Variants in DPP10 observed in about 807,000 individuals in gnomAD.
DPP10 encodes dipeptidyl peptidase like 10, also known as inactive dipeptidyl peptidase 10.
In DPP10, 33 loss-of-function variants were observed where a neutral mutation model predicts 120.9. That is an observed-to-expected ratio of 0.27 (90% CI 0.21 to 0.37). The LOEUF (loss-of-function observed/expected upper bound fraction) is 0.37, where lower values mean the gene tolerates loss of function less well. DPP10 is among the 10% of genes least tolerant of loss of function. DPP10 has a pLI of 1.00. For synonymous variants in DPP10, 337 were observed against 326.1 expected (o/e 1.03, Z -0.36); for missense variants, 816 against 942.8 (o/e 0.87, Z 1.76).
chr2:115,600,244 TTTTTGA>T (rs1167717733), intron 5 of DPP10, among the ~76,000 whole-genome samples: 4 of 152,124 alleles, frequency 2.6e-5, no homozygotes, highest in Non-Finnish European at 2.9e-5. Flanking sequence ...GCTAGTTGTG[TTTTTGA>T]TTTTATCCAG....
intron 1 of DPP10, among the ~76,000 whole-genome samples, chr2:114,824,649 A>G (rs1290715515): frequency 6.6e-6 from 1 of 152,128 alleles, no homozygotes; most frequent in Admixed American, 6.5e-5. Context: ...TTAGAAATAA[A>G]TGTACTTAGA....
At chr2:114,699,959 T>C (rs567072146) in intron 1 of DPP10, among the ~76,000 whole-genome samples, 3 of 152,264 alleles carry the variant, frequency 2.0e-5, no homozygotes, top group Non-Finnish European at 2.9e-5. Flanking sequence ...ATAGGAACTT[T>C]ACTGGCTACC....
At chr2:115,444,459 TATA>T (rs1185856377) in intron 3 of DPP10, among the ~76,000 whole-genome samples, 1 of 152,230 alleles carries the variant, frequency 6.6e-6, no homozygotes, top group Non-Finnish European at 1.5e-5. Flanking sequence ...TGAATTATGT[TATA>T]ATAAGTCTCT....
chr2:115,056,866 C>A (rs1406133315), intron 1 of DPP10, among the ~76,000 whole-genome samples: 1 of 152,188 alleles, frequency 6.6e-6, no homozygotes, highest in African/African-American at 2.4e-5. Context: ...TGCTCTTTTA[C>A]CTGCAACAAA....
intron 17 of DPP10, among the ~76,000 whole-genome samples, chr2:115,782,674 C>T (rs975533059): frequency 3.3e-5 from 5 of 151,994 alleles, no homozygotes; most frequent in Non-Finnish European, 7.4e-5. Flanking sequence ...GAAACAGGTA[C>T]ATTTTAGCTT....
At chr2:115,569,793 G>A (rs987731670) in intron 5 of DPP10, among the ~76,000 whole-genome samples, 1 of 152,150 alleles carries the variant, frequency 6.6e-6, no homozygotes, top group African/African-American at 2.4e-5. Flanking sequence ...TAAACCAGGA[G>A]CTTAGCTGAC....
intron 2 of DPP10, among the ~76,000 whole-genome samples, chr2:115,340,761 A>G (rs2063403839): frequency 6.6e-6 from 1 of 151,584 alleles, no homozygotes; most frequent in Non-Finnish European, 1.5e-5. Flanking sequence ...AAATTTATAT[A>G]TATAATACAG....
intron 1 of DPP10, among the ~76,000 whole-genome samples, chr2:115,219,755 C>T (rs185041574): frequency 7.2e-5 from 11 of 152,240 alleles, no homozygotes; most frequent in African/African-American, 2.4e-4. Context: ...AAAAGACTAG[C>T]CAACATCTCA....
chr2:115,540,757 T>C lies in DPP10; in HGVS notation c.441+14785T>C, dbSNP rs143596726. The stretch of plus-strand genomic sequence containing the variant: ...CATAATATTTCAAATACAAAAACAT[T>C]AGCAATTTTCAATCCAAGGATATCA... On this transcript the variant is annotated intron_variant, in intron 5 of 25. Coordinates refer to ENST00000410059, the MANE Select transcript of DPP10 (RefSeq NM_020868.6). 8.3e-3 allele frequency among the ~76,000 whole-genome samples: 1,262 copies of C among 151,980 alleles called. 16 individuals carry two copies. The highest frequency in any genetic ancestry group is 0.029 in the African/African-American group (1,217 of 41,538).
intron 1 of DPP10, among the ~76,000 whole-genome samples, chr2:114,966,402 T>C (rs754085051): frequency 6.6e-6 from 1 of 151,902 alleles, no homozygotes; most frequent in African/African-American, 2.4e-5. Context: ...TTCCTGAGAG[T>C]AGCTTGTTTC....
At chr2:115,222,012 A>C (rs2057196254) in intron 1 of DPP10, among the ~76,000 whole-genome samples, 1 of 152,022 alleles carries the variant, frequency 6.6e-6, no homozygotes, top group Non-Finnish European at 1.5e-5. Flanking sequence ...TTTTCACCAG[A>C]GGAATCTGAT....
At chr2:115,448,157 A>G (rs140328347) in intron 3 of DPP10, among the ~76,000 whole-genome samples, 1 of 152,292 alleles carries the variant, frequency 6.6e-6, no homozygotes, top group African/African-American at 2.4e-5. Flanking sequence ...TTTGGAAAAT[A>G]CACAGAATGA....
intron 1 of DPP10, among the ~76,000 whole-genome samples, chr2:115,235,233 G>A (rs2057936765): frequency 6.6e-6 from 1 of 152,072 alleles, no homozygotes; most frequent in Non-Finnish European, 1.5e-5. Flanking sequence ...AGTTTACTGG[G>A]ACACAAAAAT....
chr2:115,317,634 T>C, intron 2 of DPP10, among the ~76,000 whole-genome samples: 1 of 140,986 alleles, frequency 7.1e-6, no homozygotes, highest in African/African-American at 2.9e-5. Flanking sequence ...GTTCTTTTCT[T>C]TTTTTTTTTT....
chr2:114,840,419 G>A (rs1009444708), intron 1 of DPP10, among the ~76,000 whole-genome samples: 25 of 151,918 alleles, frequency 1.6e-4, no homozygotes, highest in Non-Finnish European at 3.7e-4. Context: ...ACAGAACTGG[G>A]AATAAACTCC....
intron 2 of DPP10, among the ~76,000 whole-genome samples, chr2:115,330,976 A>G (rs112446544): frequency 6.6e-6 from 1 of 151,928 alleles, no homozygotes; most frequent in African/African-American, 2.4e-5. Flanking sequence ...GTCATTGGTA[A>G]CTTGATGGGG....
At chr2:115,488,729 G>A (rs1375244093) in intron 3 of DPP10, among the ~76,000 whole-genome samples, 1 of 124,314 alleles carries the variant, frequency 8.0e-6, no homozygotes, top group Non-Finnish European at 1.7e-5. Context: ...TGGGACTGTG[G>A]TGGGGTCGGG....
intron 9 of DPP10, among the ~76,000 whole-genome samples, chr2:115,740,232 T>C (rs1286300779): frequency 6.6e-6 from 1 of 152,046 alleles, no homozygotes. Flanking sequence ...GCCTATTCCA[T>C]AATAGGTGTT....
intron 4 of DPP10, among the ~76,000 whole-genome samples, chr2:115,512,927 A>G (rs921725794): frequency 6.6e-6 from 1 of 151,964 alleles, no homozygotes; most frequent in Non-Finnish European, 1.5e-5. Flanking sequence ...CTTCTATTTT[A>G]TTACTGATGT....
Sources: allele counts gnomAD v4.1 joint callset (sites outside exome capture counted in the v4.1 genomes callset), GRCh38; gene constraint gnomAD v4.1.1; transcripts MANE v1.5; gene names NCBI Gene and HGNC (gene_info 2026-07-23, HGNC 2026-07-21).